Variants in ARIH1 observed in about 807,000 individuals in gnomAD.
The protein encoded by ARIH1 is E3 ubiquitin-protein ligase ARIH1.
ARIH1 carries 8 observed loss-of-function variants against 85.0 expected under a neutral mutation model. The observed-to-expected ratio is 0.09, with a 90% CI of 0.06 to 0.17. The LOEUF (loss-of-function observed/expected upper bound fraction) is 0.17, where lower values mean the gene tolerates loss of function less well. ARIH1 is among the 10% of genes least tolerant of loss of function. The pLI, the probability that ARIH1 is intolerant of heterozygous loss-of-function variation, is 1.00. For missense variants in ARIH1, 311 were observed against 718.1 expected, an observed-to-expected ratio of 0.43 and a Z score of 6.48; for synonymous variants, 238 against 253.6, an observed-to-expected ratio of 0.94 and a Z score of 0.59.
rs1221156422 is a variant in ARIH1 at position 72,580,716 on chromosome 15, T to C, written c.1216-15T>C. ...GTGTTATAATTATATCACCCAATTT[T>C]TCTTAATGGGACAGCGATCTAGGGC... On this transcript the variant is annotated splice_polypyrimidine_tract_variant and intron_variant, in intron 11 of 13. Transcript: ENST00000379887. The C allele has an allele frequency of 1.3e-6, 2 of 1,597,054 alleles. No individual in the cohort carries two copies. Among genetic ancestry groups the C allele is most frequent in the African/African-American group, 2.7e-5 (2 of 74,352 alleles).
At chr15:72,530,634 G>T (rs1440578148) in intron 2 of ARIH1, among the ~76,000 whole-genome samples, 1 of 152,054 alleles carries the variant, frequency 6.6e-6, no homozygotes, top group Admixed American at 6.5e-5. Flanking sequence ...TAACAACCTG[G>T]AACTTAAGAT....
intron 5 of ARIH1, among the ~76,000 whole-genome samples, chr15:72,560,085 C>T (rs915723539): frequency 1.3e-5 from 2 of 152,090 alleles, no homozygotes; most frequent in East Asian, 1.9e-4. Flanking sequence ...ATTTTTAGAC[C>T]GCAGGTTCCA....
intron 1 of ARIH1, among the ~76,000 whole-genome samples, chr15:72,483,988 T>G (rs1170820540): frequency 2.7e-5 from 4 of 150,756 alleles, no homozygotes; most frequent in Admixed American, 2.6e-4. Context: ...CCTGGCCAAA[T>G]GGCGAAACCC....
rs369633766 is a variant in ARIH1 at position 72,508,258 on chromosome 15, A to G, written c.376-9809A>G. On this transcript the variant is annotated intron_variant, in intron 1 of 13. Transcript: ENST00000379887. ...ATGTACTGCTGCTAGTATTAGTACT[A>G]GTTTTCTGATTATAGTGATTTTACT... Among the ~76,000 whole-genome samples, 26 of 152,310 alleles carry G rather than the reference A, an allele frequency of 1.7e-4. No homozygotes were observed. The East Asian group carries it at 3.1e-3, about 18-fold the overall frequency.
intron 1 of ARIH1, among the ~76,000 whole-genome samples, chr15:72,505,345 C>G (rs1017278055): frequency 6.6e-6 from 1 of 151,696 alleles, no homozygotes; most frequent in Non-Finnish European, 1.5e-5. Context: ...TAGAAATTTA[C>G]TTTTTTAACA....
intron 3 of ARIH1, among the ~76,000 whole-genome samples, chr15:72,552,730 T>C (rs2064158093): frequency 6.6e-6 from 1 of 152,054 alleles, no homozygotes; most frequent in South Asian, 2.1e-4. Flanking sequence ...TAGCAGTTGC[T>C]TCTGGGTAGA....
rs1426027223 is a variant in ARIH1 at position 72,591,808 on chromosome 15, A to C, written c.*8516A>C. 2 of 152,196 alleles carry C rather than the reference A, an allele frequency of 1.3e-5. No homozygotes were observed. Among genetic ancestry groups the C allele is most frequent in the Non-Finnish European group, 2.9e-5 (2 of 68,028 alleles). 9.4% of individuals were successfully genotyped at this position (152,196 alleles called of 1,614,324 possible). A position where few individuals can be genotyped will look rare whatever the true frequency, so the allele number is the denominator to read the frequency against. On this transcript the variant is annotated 3_prime_UTR_variant, in exon 14 of 14. Transcript: ENST00000379887. ...TCTAATTGCTGGTCTTCCTGGTATG[A>C]ACAAAGATGTTTGCTTGTTAATAAA...
chr15:72,595,061 G>A lies in ARIH1; in HGVS notation c.*11769G>A, dbSNP rs768618529. On this transcript the variant is annotated 3_prime_UTR_variant, in exon 14 of 14. Coordinates refer to ENST00000379887, the MANE Select transcript of ARIH1 (RefSeq NM_005744.5). The stretch of plus-strand genomic sequence containing the variant: ...AGGGTTATTAAATTTTGTGAGATGC[G>A]TTTTTAGCTTTTAATAAGATTATTA... 5.9e-5 allele frequency: 9 copies of A among 151,758 alleles called. No individual in the cohort carries two copies. The highest frequency in any genetic ancestry group is 9.7e-5 in the African/African-American group (4 of 41,298). The allele number at this position is 151,758 out of a possible 1,614,324, so 9.4% of individuals were successfully genotyped here. A position where few individuals can be genotyped will look rare whatever the true frequency, so the allele number is the denominator to read the frequency against.
At chr15:72,535,769 T>C (rs999284473) in intron 2 of ARIH1, among the ~76,000 whole-genome samples, 2 of 152,108 alleles carry the variant, frequency 1.3e-5, no homozygotes, top group African/African-American at 4.8e-5. Flanking sequence ...AAGCAGAGGG[T>C]GTAGATTTCC....
At chr15:72,547,645 T>A (rs185940559) in intron 3 of ARIH1, among the ~76,000 whole-genome samples, 20 of 152,352 alleles carry the variant, frequency 1.3e-4, no homozygotes, top group Admixed American at 4.6e-4. Flanking sequence ...GAATATTTTT[T>A]AAAAAGTACT....
At chr15:72,581,063 T>C in intron 12 of ARIH1, 72 bp downstream of exon 12, 1 of 1,482,924 alleles carries the variant, frequency 6.7e-7, no homozygotes, top group Non-Finnish European at 9.1e-7. Context: ...ATATATAAGA[T>C]ACAGAGTTTT....
At chr15:72,534,956 A>ATTATTTTTTTTTTTTTTTTTTT (rs1179478559) in intron 2 of ARIH1, among the ~76,000 whole-genome samples, 1 of 45,114 alleles carries the variant, frequency 2.2e-5, no homozygotes, top group Non-Finnish European at 1.9e-4. Context: ...TATTGTCTGT[A>ATTATTTTTTTTTTTTTTTTTTT]TTCTTTTTTT....
At chr15:72,507,720 A>G (rs1162988637) in intron 1 of ARIH1, among the ~76,000 whole-genome samples, 1 of 152,236 alleles carries the variant, frequency 6.6e-6, no homozygotes, top group African/African-American at 2.4e-5. Context: ...ATGTGCTACT[A>G]AAATTGAGAA....
chr15:72,506,359 A>AAAAAAAAAAAAAG (rs1416617611), intron 1 of ARIH1, among the ~76,000 whole-genome samples: 2 of 148,596 alleles, frequency 1.3e-5, no homozygotes, highest in East Asian at 2.0e-4. Context: ...CACAAAAAAA[A>AAAAAAAAAAAAAG]AAAAAAGAAA....
rs577746865 is a variant in ARIH1, at chr15:72,598,742, A to G, written c.*15450A>G. ...AAAAAAAAAAAAAATTTTTTTTTAA[A>G]CACGTCTCACTGCCACCCAGGCTTG... On this transcript the variant is annotated 3_prime_UTR_variant, in exon 14 of 14. Transcript: ENST00000379887. 6.6e-6 allele frequency: 1 copy of G among 152,130 alleles called. No homozygotes were observed. The highest frequency in any genetic ancestry group is 1.9e-4 in the East Asian group (1 of 5,174). 9.4% of individuals were successfully genotyped at this position (152,130 alleles called of 1,614,324 possible).
At position 72,566,558 on chromosome 15, in the gene ARIH1, A is replaced by C. The variant is rs1178936490; in HGVS notation, c.912-5A>C. On this transcript the variant is annotated splice_region_variant and splice_polypyrimidine_tract_variant and intron_variant, in intron 7 of 13. Transcript: ENST00000379887. The stretch of plus-strand genomic sequence containing the variant: ...ATTCTATTAACTCTTTGTGTCACTT[A>C]ACAGCTTTAACTGTGGAGAAAATTG... 3 of 1,611,576 alleles carry C rather than the reference A, an allele frequency of 1.9e-6. No individual in the cohort carries two copies. In the Admixed American group the frequency reaches 5.0e-5, roughly 27 times the overall value.
intron 1 of ARIH1, among the ~76,000 whole-genome samples, chr15:72,512,345 GTCT>G (rs1185701290): frequency 6.6e-6 from 1 of 151,910 alleles, no homozygotes; most frequent in Non-Finnish European, 1.5e-5. Flanking sequence ...TTCGTGTTGT[GTCT>G]TCTTTAGTGA....
chr15:72,572,198 T>TTC (rs1567359315), intron 11 of ARIH1, 33 bp downstream of exon 11: 1 of 1,434,262 alleles, frequency 7.0e-7, no homozygotes. Flanking sequence ...AATAGTTGAC[T>TTC]AAGAATGCAC....
intron 7 of ARIH1, 28 bp downstream of exon 7, chr15:72,563,528 T>G (rs1197154335): frequency 6.4e-7 from 1 of 1,557,180 alleles, no homozygotes; most frequent in Non-Finnish European, 8.9e-7. Context: ...TAAATTGAAA[T>G]AGTGCACAAA....
Sources: allele counts gnomAD v4.1 joint callset (sites outside exome capture counted in the v4.1 genomes callset), GRCh38; gene constraint gnomAD v4.1.1; transcripts MANE v1.5; gene names NCBI Gene and HGNC (gene_info 2026-07-23, HGNC 2026-07-21).